The following PTCD2 variants were observed in gnomAD, a reference collection of about 807,000 sequenced individuals.
PTCD2 encodes the protein pentatricopeptide repeat domain 2, also known as pentatricopeptide repeat-containing protein 2, mitochondrial.
PTCD2 carries 31 observed loss-of-function variants against 42.6 expected under a neutral mutation model. The ratio of observed to expected loss-of-function variants is 0.73; its 90% CI spans 0.55 to 0.98. The LOEUF is 0.98. Ranked by LOEUF, PTCD2 falls within the 50% of genes least tolerant of loss-of-function variation. PTCD2 has a pLI of 0.00. For missense variants in PTCD2, 476 were observed against 454.8 expected (o/e 1.05, Z -0.42); for synonymous variants, 183 against 170.9 (o/e 1.07, Z -0.55).
Position 72,363,849 on chromosome 5 carries a change from G to A in PTCD2, c.*5422G>A, listed in dbSNP as rs909462186. On this transcript the variant is annotated 3_prime_UTR_variant, in exon 10 of 10. Coordinates refer to ENST00000380639, the MANE Select transcript of PTCD2 (RefSeq NM_024754.5). Reference sequence around the variant, plus strand: ...GGCCAATTGTGGCAAAACTACATGAGACTTGACTAAAATAACCCACAATTC... The same window carrying A: ...GGCCAATTGTGGCAAAACTACATGAAACTTGACTAAAATAACCCACAATTC... The A allele has an allele frequency of 2.0e-5, 3 of 152,066 alleles. No individual in the cohort carries two copies. Among genetic ancestry groups the A allele is most frequent in the Admixed American group, 6.6e-5 (1 of 15,264 alleles). The allele number at this position is 152,066 out of a possible 1,614,324, so 9.4% of individuals were successfully genotyped here. A position where few individuals can be genotyped will look rare whatever the true frequency, so the allele number is the denominator to read the frequency against.
intron 8 of PTCD2, among the ~76,000 whole-genome samples, chr5:72,347,113 AC>A (rs1230465811): frequency 6.6e-6 from 1 of 152,264 alleles, no homozygotes; most frequent in Non-Finnish European, 1.5e-5. Context: ...TAAGTAAATT[AC>A]CTTAGTTCTC....
intron 7 of PTCD2, among the ~76,000 whole-genome samples, chr5:72,339,505 GC>G (rs1751937434): frequency 6.6e-6 from 1 of 152,108 alleles, no homozygotes; most frequent in Non-Finnish European, 1.5e-5. Flanking sequence ...TCCATATACT[GC>G]TGGGGGGAGT....
At chr5:72,341,236 G>T (rs1561387920) in intron 7 of PTCD2, among the ~76,000 whole-genome samples, 2 of 151,970 alleles carry the variant, frequency 1.3e-5, no homozygotes, top group Non-Finnish European at 2.9e-5. Context: ...TAGAGACAGG[G>T]TTTCACCATA....
Position 72,364,176 on chromosome 5 carries a change from T to C in PTCD2, c.*5749T>C, listed in dbSNP as rs1753151305. ...TCAAAAAAGTGTTCTCAAAAATTAA[T>C]GGAAATTGGTGTATTCTGATTGAGA... On this transcript the variant is annotated 3_prime_UTR_variant, in exon 10 of 10. Coordinates refer to ENST00000380639, the MANE Select transcript of PTCD2 (RefSeq NM_024754.5). The C allele has an allele frequency of 6.6e-6, 1 of 152,240 alleles. No individual in the cohort carries two copies. 9.4% of individuals were successfully genotyped at this position (152,240 alleles called of 1,614,324 possible). A position where few individuals can be genotyped will look rare whatever the true frequency, so the allele number is the denominator to read the frequency against.
chr5:72,359,893 T>C lies in PTCD2; in HGVS notation c.*1466T>C, dbSNP rs932101711. The stretch of plus-strand genomic sequence containing the variant: ...ACAGAATACTAAGGGCCCCCATTAC[T>C]GTGTGGCCCTGGGCATCCTCAGTTT... On this transcript the variant is annotated 3_prime_UTR_variant, in exon 10 of 10. Transcript: ENST00000380639. 6.6e-6 allele frequency: 1 copy of C among 152,090 alleles called. No homozygotes were observed. The highest frequency in any genetic ancestry group is 1.5e-5 in the Non-Finnish European group (1 of 68,040). The allele number at this position is 152,090 out of a possible 1,614,324, so 9.4% of individuals were successfully genotyped here.
intron 4 of PTCD2, among the ~76,000 whole-genome samples, chr5:72,333,188 C>G (rs115514382): frequency 0.018 from 2,815 of 152,228 alleles, 36 homozygotes; most frequent in Middle Eastern, 0.027. Flanking sequence ...GCTGACTTCA[C>G]TCTGGACCTG....
Position 72,365,960 on chromosome 5 carries a change from T to A in PTCD2, c.*7533T>A, listed in dbSNP as rs1753193796. ...TGGGCAAGGTAGCTCAAGTTTGTAA[T>A]CCCAGCACTTAGGGAGGCCGAGGCA... On this transcript the variant is annotated 3_prime_UTR_variant, in exon 10 of 10. Coordinates refer to ENST00000380639, the MANE Select transcript of PTCD2 (RefSeq NM_024754.5). 1 of 152,182 alleles carries A rather than the reference T, an allele frequency of 6.6e-6. No individual in the cohort carries two copies. The highest frequency in any genetic ancestry group is 2.1e-4 in the South Asian group (1 of 4,826). 9.4% of individuals were successfully genotyped at this position (152,182 alleles called of 1,614,324 possible).
At chr5:72,339,087 G>A (rs1379775502) in intron 7 of PTCD2, among the ~76,000 whole-genome samples, 2 of 152,226 alleles carry the variant, frequency 1.3e-5, no homozygotes, top group Non-Finnish European at 2.9e-5. Context: ...GAGGACTGCT[G>A]TGTCAGCCCA....
intron 3 of PTCD2, among the ~76,000 whole-genome samples, chr5:72,327,538 C>T (rs985130180): frequency 4.1e-5 from 6 of 145,720 alleles, no homozygotes; most frequent in Non-Finnish European, 7.4e-5. Flanking sequence ...GTGGCACGAT[C>T]TTTCAGCTCA....
chr5:72,361,861 T>A lies in PTCD2; in HGVS notation c.*3434T>A, dbSNP rs1386842947. On this transcript the variant is annotated 3_prime_UTR_variant, in exon 10 of 10. Transcript: ENST00000380639. The stretch of plus-strand genomic sequence containing the variant: ...AGGTCTTGGCTTAGACATCTTTTCA[T>A]CTGAGAAGGCTTTCTGGTCTAGTCT... The A allele has an allele frequency of 6.6e-6, 1 of 152,298 alleles. No homozygotes were observed. Among genetic ancestry groups the A allele is most frequent in the East Asian group, 1.9e-4 (1 of 5,190 alleles). 9.4% of individuals were successfully genotyped at this position (152,298 alleles called of 1,614,324 possible). A position where few individuals can be genotyped will look rare whatever the true frequency, so the allele number is the denominator to read the frequency against.
chr5:72,326,526 G>T lies in PTCD2; in HGVS notation c.221-86G>T, dbSNP rs540265245. ...CAGTGCCCCTCTGCAGTGAGCCGGG[G>T]TTGGGCTTCCCCATCTTCCTGAGGT... is the stretch of plus-strand genomic sequence containing the variant. On this transcript the variant is annotated intron_variant, in intron 2 of 9. Coordinates refer to ENST00000380639, the MANE Select transcript of PTCD2 (RefSeq NM_024754.5). 412 of 1,476,414 alleles carry T rather than the reference G, an allele frequency of 2.8e-4. 1 individual carries two copies. The highest frequency in any genetic ancestry group is 3.1e-4 in the Non-Finnish European group (334 of 1,073,288). The allele number at this position is 1,476,414 out of a possible 1,614,324, so 91.5% of individuals were successfully genotyped here.
intron 2 of PTCD2, among the ~76,000 whole-genome samples, chr5:72,325,796 T>C (rs907015357): frequency 6.6e-6 from 1 of 152,226 alleles, no homozygotes; most frequent in African/African-American, 2.4e-5. Context: ...AGTTCTGCCT[T>C]CTGGAAAGCA....
chr5:72,343,950 G>A (rs10515146), intron 8 of PTCD2, among the ~76,000 whole-genome samples: 35,412 of 152,038 alleles, frequency 0.23, 5,304 homozygotes, highest in Non-Finnish European at 0.34. Flanking sequence ...CAGTCAGAGG[G>A]TTGAGATGAA....
At chr5:72,342,261 G>T (rs1752107642) in intron 7 of PTCD2, among the ~76,000 whole-genome samples, 1 of 152,168 alleles carries the variant, frequency 6.6e-6, no homozygotes, top group Middle Eastern at 3.4e-3. Flanking sequence ...TTTCTTTTAA[G>T]TCAACAGAAG....
chr5:72,329,609 T>C (rs1371635228), intron 3 of PTCD2, among the ~76,000 whole-genome samples: 2 of 152,238 alleles, frequency 1.3e-5, no homozygotes, highest in East Asian at 1.9e-4. Flanking sequence ...TACTGAAATA[T>C]GTTGATTTTT....
chr5:72,350,027 G>A (rs1326464220), intron 8 of PTCD2, among the ~76,000 whole-genome samples: 1 of 152,158 alleles, frequency 6.6e-6, no homozygotes, highest in African/African-American at 2.4e-5. Flanking sequence ...TTTGTAAATT[G>A]CTGGGGGAAC....
chr5:72,338,186 G>A (rs1026083854), intron 6 of PTCD2, among the ~76,000 whole-genome samples: 4 of 152,116 alleles, frequency 2.6e-5, no homozygotes, highest in African/African-American at 9.7e-5. Flanking sequence ...TAGTGTTCGT[G>A]TTTTCAAATA....
rs535068706 is a variant in PTCD2 at position 72,365,403 on chromosome 5, C to G, written c.*6976C>G. 1.3e-5 allele frequency: 2 copies of G among 152,306 alleles called. No individual in the cohort carries two copies. Among genetic ancestry groups the G allele is most frequent in the South Asian group, 4.2e-4 (2 of 4,818 alleles). The allele number at this position is 152,306 out of a possible 1,614,324, so 9.4% of individuals were successfully genotyped here. ...ACAGCATCACCCTGTCTTTCAATCC[C>G]CAAAGTAGCCCTTACCCCTAGACAG... On this transcript the variant is annotated 3_prime_UTR_variant, in exon 10 of 10. Transcript: ENST00000380639.
chr5:72,320,576 T>G (rs1401766815), intron 1 of PTCD2, 67 bp downstream of exon 1: 1 of 1,599,302 alleles, frequency 6.3e-7, no homozygotes, highest in East Asian at 2.2e-5. Flanking sequence ...AGATCCCAGC[T>G]AGCATCTCTG....
Sources: gnomAD v4.1 joint callset for allele counts (sites outside exome capture counted in the v4.1 genomes callset) on GRCh38, gnomAD v4.1.1 for gene constraint, MANE v1.5 for transcripts, NCBI Gene and HGNC (gene_info 2026-07-23, HGNC 2026-07-21) for gene names.